Variants in ATP8B4 observed in about 807,000 individuals in gnomAD.
The protein encoded by ATP8B4 is ATPase phospholipid transporting 8B4 (putative).
In ATP8B4, 133 loss-of-function variants were observed where a neutral mutation model predicts 145.6. The observed-to-expected ratio is 0.91, with a 90% CI of 0.79 to 1.05. The LOEUF is 1.05. Ranked by LOEUF, ATP8B4 falls within the 50% of genes least tolerant of loss-of-function variation. ATP8B4 has a pLI of 0.00. For synonymous variants in ATP8B4, 507 were observed against 492.9 expected (o/e 1.03, Z -0.38); for missense variants, 1,458 against 1,425.2 (o/e 1.02, Z -0.37).
upstream of ATP8B4, among the ~76,000 whole-genome samples, chr15:50,120,602 G>A (rs775537694): frequency 6.6e-6 from 1 of 152,082 alleles, no homozygotes; most frequent in African/African-American, 2.4e-5. Flanking sequence ...ATCAAGTATT[G>A]AAATGTGTAT....
chr15:50,176,884 C>T, intron 1 of ATP8B4, among the ~76,000 whole-genome samples: 1 of 152,162 alleles, frequency 6.6e-6, no homozygotes, highest in East Asian at 1.9e-4. Context: ...TGTCTAATAT[C>T]AATAATCAGT....
At chr15:50,025,660 CCA>C (rs1411802459) in intron 6 of ATP8B4, among the ~76,000 whole-genome samples, 2 of 152,182 alleles carry the variant, frequency 1.3e-5, no homozygotes, top group Non-Finnish European at 2.9e-5. Flanking sequence ...GTCTTTAGAA[CCA>C]CACTCTTTTC....
chr15:49,920,246 C>A lies in ATP8B4; in HGVS notation c.1923G>T (p.Met641Ile). The A allele has an allele frequency of 1.2e-6, 2 of 1,613,560 alleles. No homozygotes were observed. The highest frequency in any genetic ancestry group is 1.7e-6 in the Non-Finnish European group (2 of 1,179,686). The part of the protein sequence containing the change: ...GLYEEIERDL[M>I]LLGATAVEDK... ...AACCATCATGCTTCTAAACTCATACCATCAAATCTCTTTCAATTTCTTCAT... is the reference window on the plus strand; with the variant it reads ...AACCATCATGCTTCTAAACTCATACAATCAAATCTCTTTCAATTTCTTCAT... The change falls in exon 18 of 28, where the codon ATG (methionine) becomes ATT (isoleucine). Residue 641 changes from methionine (M) to isoleucine (I), a missense_variant and splice_region_variant. By Grantham distance (10) the Met-to-Ile change is conservative (BLOSUM62 1). Coordinates refer to ENST00000284509, the MANE Select transcript of ATP8B4 (RefSeq NM_024837.4).
At chr15:49,906,910 G>A (rs1181668152) in intron 20 of ATP8B4, among the ~76,000 whole-genome samples, 1 of 152,210 alleles carries the variant, frequency 6.6e-6, no homozygotes, top group Non-Finnish European at 1.5e-5. Flanking sequence ...AGTGGATGAA[G>A]GAACCATGTG....
chr15:50,030,196 T>C (rs2050327654), intron 6 of ATP8B4, among the ~76,000 whole-genome samples: 1 of 152,140 alleles, frequency 6.6e-6, no homozygotes, highest in African/African-American at 2.4e-5. Context: ...TTTTTTTTTC[T>C]TTCCAAAAGA....
At chr15:49,863,825 T>G (rs1279499144) in intron 26 of ATP8B4, among the ~76,000 whole-genome samples, 2 of 152,128 alleles carry the variant, frequency 1.3e-5, no homozygotes, top group Non-Finnish European at 2.9e-5. Context: ...AAAAAAAAAT[T>G]TTCCTGAAAC....
intron 14 of ATP8B4, among the ~76,000 whole-genome samples, chr15:49,938,766 C>T (rs900910221): frequency 1.3e-5 from 2 of 152,082 alleles, no homozygotes; most frequent in Admixed American, 1.3e-4. Flanking sequence ...ACCTAATAGA[C>T]ATCTACATAA....
intron 9 of ATP8B4, among the ~76,000 whole-genome samples, chr15:49,989,418 C>T (rs1463502543): frequency 1.5e-5 from 2 of 132,680 alleles, no homozygotes; most frequent in Non-Finnish European, 3.2e-5. Context: ...TCAAACCTAG[C>T]CACTTAAAAA....
chr15:50,018,474 A>T (rs981402933), intron 6 of ATP8B4, among the ~76,000 whole-genome samples: 32 of 152,238 alleles, frequency 2.1e-4, no homozygotes, highest in African/African-American at 7.5e-4. Context: ...GTGGAAAAAT[A>T]TAAGTCTGGC....
Position 49,950,612 on chromosome 15 carries a change from A to AAC in ATP8B4, c.1287+11364_1287+11365insGT, listed in dbSNP as rs1278284436. On this transcript the variant is annotated intron_variant, in intron 14 of 27. Transcript: ENST00000284509. ...AACTAAAAAAAAAAAACAAACAAAC[A>AAC]AACAAACAAAAAAAACAACAACAAC... Among the ~76,000 whole-genome samples the AAC allele has an allele frequency of 1.4e-3, 147 of 105,154 alleles. 1 individual carries two copies. Among genetic ancestry groups the AAC allele is most frequent in the Middle Eastern group, 4.3e-3 (1 of 230 alleles). 69.0% of individuals were successfully genotyped at this position (105,154 alleles called of 152,430 possible).
chr15:50,119,752 CTTTTTTT>C (rs572570694), upstream of ATP8B4, among the ~76,000 whole-genome samples: 2 of 91,604 alleles, frequency 2.2e-5, no homozygotes, highest in Non-Finnish European at 4.1e-5. Context: ...GTTTTTGTCA[CTTTTTTT>C]TTTTTTTTTT....
At chr15:50,180,831 G>T (rs1595675004) in intron 1 of ATP8B4, among the ~76,000 whole-genome samples, 1 of 151,996 alleles carries the variant, frequency 6.6e-6, no homozygotes, top group South Asian at 2.1e-4. Context: ...TGCTTGCGCA[G>T]TTACTAGGGA....
intron 2 of ATP8B4, among the ~76,000 whole-genome samples, chr15:50,099,455 T>A (rs2056208129): frequency 6.6e-6 from 1 of 152,022 alleles, no homozygotes; most frequent in Admixed American, 6.6e-5. Context: ...ACTTTTTAAA[T>A]TTTTGGTAGA....
chr15:49,962,975 G>C (rs1054451193), intron 13 of ATP8B4, among the ~76,000 whole-genome samples: 5 of 152,132 alleles, frequency 3.3e-5, no homozygotes, highest in Admixed American at 3.3e-4. Flanking sequence ...AGAGTGAACA[G>C]ACAACCTACA....
chr15:50,073,834 T>C (rs577192388), intron 3 of ATP8B4, among the ~76,000 whole-genome samples: 55 of 152,240 alleles, frequency 3.6e-4, no homozygotes, highest in Non-Finnish European at 4.4e-4. Context: ...ATTATTCCTA[T>C]GGATTCTACT....
chr15:50,043,476 C>T (rs1333733731), intron 5 of ATP8B4, among the ~76,000 whole-genome samples: 1 of 152,110 alleles, frequency 6.6e-6, no homozygotes, highest in Non-Finnish European at 1.5e-5. Context: ...TCTGCTTCTG[C>T]AACCCCTGAG....
intron 3 of ATP8B4, among the ~76,000 whole-genome samples, chr15:50,061,881 G>A (rs1427601402): frequency 6.6e-6 from 1 of 152,104 alleles, no homozygotes; most frequent in African/African-American, 2.4e-5. Context: ...GAAAAGAAAT[G>A]CATTTATCTC....
chr15:49,880,734 T>A (rs1336107788), intron 23 of ATP8B4: 2 of 149,852 alleles, frequency 1.3e-5, no homozygotes, highest in African/African-American at 5.1e-5. Context: ...ATTTTCATTA[T>A]GTGGTCTAAA....
chr15:49,996,252 G>A (rs992858541), intron 9 of ATP8B4, among the ~76,000 whole-genome samples: 1 of 152,054 alleles, frequency 6.6e-6, no homozygotes, highest in African/African-American at 2.4e-5. Context: ...AAATACATGA[G>A]GCAGGATGAC....
Sources: allele counts gnomAD v4.1 joint callset (sites outside exome capture counted in the v4.1 genomes callset), GRCh38; gene constraint gnomAD v4.1.1; transcripts MANE v1.5; gene names NCBI Gene and HGNC (gene_info 2026-07-23, HGNC 2026-07-21).